PMEPA1: variants seen among roughly 807,000 people sequenced by gnomAD.
The protein encoded by PMEPA1 is protein TMEPAI.
A neutral mutation model predicts 23.0 loss-of-function variants in PMEPA1; 11 were observed. The observed-to-expected ratio is 0.48, with a 90% CI of 0.30 to 0.79. The LOEUF is 0.79. Ranked by LOEUF, PMEPA1 falls within the 30% of genes least tolerant of loss-of-function variation. PMEPA1 has a pLI of 0.06. For missense variants in PMEPA1, 377 were observed against 390.9 expected, an observed-to-expected ratio of 0.96 and a Z score of 0.30; for synonymous variants, 204 against 166.4, an observed-to-expected ratio of 1.23 and a Z score of -1.74.
intron 1 of PMEPA1, among the ~76,000 whole-genome samples, chr20:57,676,564 A>C (rs559220059): frequency 6.6e-6 from 1 of 152,360 alleles, no homozygotes; most frequent in African/African-American, 2.4e-5. Flanking sequence ...AAGAAAGAGA[A>C]ATGGTGAGAA....
chr20:57,657,513 A>G (rs1368217281), intron 2 of PMEPA1, among the ~76,000 whole-genome samples: 1 of 152,194 alleles, frequency 6.6e-6, no homozygotes, highest in East Asian at 1.9e-4. Flanking sequence ...TTGTTGCTGG[A>G]GTGGTAGCAA....
At chr20:57,706,102 T>C (rs1255571202) in intron 1 of PMEPA1, among the ~76,000 whole-genome samples, 1 of 152,092 alleles carries the variant, frequency 6.6e-6, no homozygotes, top group East Asian at 1.9e-4. Context: ...CAGTGGGTGA[T>C]GTTAAAAAGA....
At chr20:57,710,066 G>T (rs2072152096), upstream of PMEPA1, 5 of 994,646 alleles carry the variant, frequency 5.0e-6, no homozygotes, top group South Asian at 4.5e-5. Context: ...GCCGGGGAGG[G>T]GGCGCGCGCT....
At chr20:57,690,326 G>T in intron 1 of PMEPA1, 3 of 861,926 alleles carry the variant, frequency 3.5e-6, no homozygotes, top group Admixed American at 2.3e-5. Context: ...CCCCACCACT[G>T]CCACCCGCCC....
upstream of PMEPA1, chr20:57,710,491 C>T (rs1420510791): frequency 6.2e-7 from 1 of 1,605,498 alleles, no homozygotes; most frequent in African/African-American, 1.3e-5. Context: ...GACTGTCCGC[C>T]TTCAGTTCTC....
At chr20:57,670,977 G>T (rs1289880060) in intron 1 of PMEPA1, among the ~76,000 whole-genome samples, 1 of 152,204 alleles carries the variant, frequency 6.6e-6, no homozygotes, top group Non-Finnish European at 1.5e-5. Flanking sequence ...ATGCAGCGCG[G>T]CCGTGGGTGA....
intron 1 of PMEPA1, among the ~76,000 whole-genome samples, chr20:57,661,046 G>A (rs528446471): frequency 6.6e-6 from 1 of 152,200 alleles, no homozygotes; most frequent in Non-Finnish European, 1.5e-5. Flanking sequence ...GGGGTGTCAG[G>A]ACCCTCCTCT....
intron 1 of PMEPA1, among the ~76,000 whole-genome samples, chr20:57,701,629 AATCAC>A (rs771177239): frequency 3.9e-5 from 6 of 152,136 alleles, no homozygotes; most frequent in African/African-American, 7.2e-5. Flanking sequence ...GAGCATTAAA[AATCAC>A]ATTTTGTACC....
chr20:57,682,833 C>A lies in PMEPA1; in HGVS notation c.110-23136G>T, dbSNP rs1054690740. 1.3e-5 allele frequency among the ~76,000 whole-genome samples: 2 copies of A among 152,218 alleles called. No homozygotes were observed. Among genetic ancestry groups the A allele is most frequent in the Non-Finnish European group, 2.9e-5 (2 of 68,048 alleles). ...GAGCAGGCCCCGCTGAAAAGGAAGG[C>A]GGCTCGCCAGATTTGTTTCGAATTA... On this transcript the variant is annotated intron_variant, in intron 1 of 3. Transcript: ENST00000341744. This position sits in a 1 kb window ranked among gnomAD's most constrained non-coding sequence, Gnocchi z 4.4.
chr20:57,694,481 G>A (rs2071920710), intron 1 of PMEPA1, among the ~76,000 whole-genome samples: 2 of 152,074 alleles, frequency 1.3e-5, no homozygotes, highest in African/African-American at 2.4e-5. Context: ...GACCATCCAC[G>A]TGCCATCTCC....
intron 1 of PMEPA1, chr20:57,700,145 C>A (rs1176362452): frequency 2.1e-6 from 1 of 471,404 alleles, no homozygotes; most frequent in East Asian, 6.9e-5. Context: ...CTCTTCCACT[C>A]CTGATGCTGA....
chr20:57,652,897 G>A lies in PMEPA1; in HGVS notation c.318+136C>T, dbSNP rs2071272803. ...GCAGGGAGCAGATGATCTCCGGCAA[G>A]GAGGATCCCAGCAGCAAGGGCACTG... On this transcript the variant is annotated intron_variant, in intron 3 of 3. Transcript: ENST00000341744. This position sits in a 1 kb window ranked among gnomAD's most constrained non-coding sequence, Gnocchi z 6.1. 3 of 788,216 alleles carry A rather than the reference G, an allele frequency of 3.8e-6. No homozygotes were observed. The highest frequency in any genetic ancestry group is 1.5e-5 in the South Asian group (1 of 66,548). The allele number at this position is 788,216 out of a possible 1,614,324, so 48.8% of individuals were successfully genotyped here.
At position 57,649,230 on chromosome 20, in the gene PMEPA1, C is replaced by A. The variant is rs2071189109; in HGVS notation, c.*2823G>T. On this transcript the variant is annotated 3_prime_UTR_variant, in exon 4 of 4. Coordinates refer to ENST00000341744, the MANE Select transcript of PMEPA1 (RefSeq NM_020182.5). ...CTGGAAAAGAGGGCCTCCTCAGGAG[C>A]AGTCCAAGAGTTTTCAAAGATAACG... 6.6e-6 allele frequency: 1 copy of A among 152,208 alleles called. No individual in the cohort carries two copies. Among genetic ancestry groups the A allele is most frequent in the African/African-American group, 2.4e-5 (1 of 41,430 alleles). The allele number at this position is 152,208 out of a possible 1,614,324, so 9.4% of individuals were successfully genotyped here.
rs911136192 is a variant in PMEPA1 at position 57,704,518 on chromosome 20, C to T, written c.109+4956G>A. ...CTCAGCATGTGCACCGTACAGAACC[C>T]GAGGCTGGCAGCAGCACAGCCTCCG... On this transcript the variant is annotated intron_variant, in intron 1 of 3. Coordinates refer to ENST00000341744, the MANE Select transcript of PMEPA1 (RefSeq NM_020182.5). The surrounding 1 kb of genome is among the most constrained non-coding windows in gnomAD (Gnocchi z 4.6). Among the ~76,000 whole-genome samples the T allele has an allele frequency of 6.6e-5, 10 of 152,212 alleles. No individual in the cohort carries two copies. The highest frequency in any genetic ancestry group is 1.2e-4 in the Non-Finnish European group (8 of 68,034).
chr20:57,699,264 CG>C (rs1300274111), intron 1 of PMEPA1, among the ~76,000 whole-genome samples: 1 of 152,210 alleles, frequency 6.6e-6, no homozygotes, highest in Non-Finnish European at 1.5e-5. Flanking sequence ...CTCACACTCT[CG>C]GGCAGCCATC....
chr20:57,653,204 C>T (rs1431534574), intron 2 of PMEPA1, 118 bp from the exon 3 acceptor site: 1 of 839,338 alleles, frequency 1.2e-6, no homozygotes, highest in Non-Finnish European at 2.0e-6. Flanking sequence ...AACCCGCCCA[C>T]CTCTCTGCAT....
intron 1 of PMEPA1, among the ~76,000 whole-genome samples, chr20:57,666,909 C>G (rs761747318): frequency 6.6e-6 from 1 of 152,214 alleles, no homozygotes; most frequent in African/African-American, 2.4e-5. Flanking sequence ...CAATCACAGG[C>G]GAGGGGACGG....
intron 1 of PMEPA1, chr20:57,690,265 G>A (rs1257983749): frequency 4.3e-6 from 2 of 469,218 alleles, no homozygotes; most frequent in Admixed American, 2.5e-5. Context: ...GCTGGGCAGC[G>A]GCTTGGGGCA....
chr20:57,698,305 AC>A (rs2071968442), intron 1 of PMEPA1, among the ~76,000 whole-genome samples: 1 of 151,706 alleles, frequency 6.6e-6, no homozygotes, highest in African/African-American at 2.4e-5. Flanking sequence ...ATCTCAATAC[AC>A]CCGCCTCTTT....
Sources: gnomAD v4.1 joint callset for allele counts (sites outside exome capture counted in the v4.1 genomes callset) on GRCh38, gnomAD v4.1.1 for gene constraint, Gnocchi (gnomAD v3.1) non-coding constraint, MANE v1.5 for transcripts, NCBI Gene and HGNC (gene_info 2026-07-23, HGNC 2026-07-21) for gene names.